Variants in FNDC1 observed in about 807,000 individuals in gnomAD.
FNDC1 encodes fibronectin type III domain-containing protein 1.
FNDC1 carries 96 observed loss-of-function variants against 168.0 expected under a neutral mutation model. The ratio of observed to expected loss-of-function variants is 0.57; its 90% confidence interval spans 0.48 to 0.68. The LOEUF (loss-of-function observed/expected upper bound fraction) is 0.68. Among genes scored for constraint, FNDC1 ranks in the 30% least tolerant of loss-of-function variants. FNDC1 has a pLI of 0.00. For synonymous variants in FNDC1, 1,099 were observed against 1,025.9 expected (o/e 1.07, Z -1.36); for missense variants, 2,587 against 2,482.1 (o/e 1.04, Z -0.90).
chr6:159,219,877 G>A (rs1782784901), intron 5 of FNDC1, among the ~76,000 whole-genome samples: 1 of 152,068 alleles, frequency 6.6e-6, no homozygotes, highest in Non-Finnish European at 1.5e-5. Flanking sequence ...AGGTCGAATG[G>A]CCATTTTTGT....
At chr6:159,175,729 T>C (rs58960120) in intron 1 of FNDC1, among the ~76,000 whole-genome samples, 9,626 of 152,284 alleles carry the variant, frequency 0.063, 983 homozygotes, top group African/African-American at 0.22. Flanking sequence ...GCTCGCCTGT[T>C]GGCATCTTAG....
chr6:159,232,730 C>T lies in FNDC1; in HGVS notation c.2218C>T (p.Leu740Phe), dbSNP rs373757499. The T allele has an allele frequency of 1.9e-4, 314 of 1,613,984 alleles. No homozygotes were observed. In the South Asian group the frequency reaches 2.8e-3, roughly 14 times the overall value. Reference protein sequence around the residue: ...LPTQPHLSSPLSKGGKDGEDA... With the variant: ...LPTQPHLSSPFSKGGKDGEDA... ...CACCCAGCCACACCTGAGCTCTCCA[C>T]TTTCCAAGGGCGGGAAGGATGGTGA... The change falls in exon 11 of 23, where the codon CTT (leucine) becomes TTT (phenylalanine). Residue 740 changes from leucine to phenylalanine, a missense_variant. Transcript: ENST00000297267. The surrounding 1 kb of genome is among the most constrained non-coding windows in gnomAD (Gnocchi z 4.9).
chr6:159,201,024 G>A (rs566360428), intron 4 of FNDC1, among the ~76,000 whole-genome samples: 2 of 152,294 alleles, frequency 1.3e-5, no homozygotes, highest in African/African-American at 2.4e-5. Flanking sequence ...TATGTTAGAC[G>A]ACCTACCTTC....
chr6:159,174,485 G>C (rs1396826609), intron 1 of FNDC1, among the ~76,000 whole-genome samples: 1 of 152,262 alleles, frequency 6.6e-6, no homozygotes, highest in Non-Finnish European at 1.5e-5. Flanking sequence ...GCCACCACCC[G>C]CAGGCCCTTC....
chr6:159,235,317 AT>A (rs11307391), intron 11 of FNDC1, among the ~76,000 whole-genome samples: 125,336 of 149,518 alleles, frequency 0.84, 52,869 homozygotes, highest in Non-Finnish European at 0.89. Context: ...GAATGAATGT[AT>A]TTTTTTTTTT....
chr6:159,254,486 C>T (rs1777332431), intron 17 of FNDC1, among the ~76,000 whole-genome samples: 1 of 152,096 alleles, frequency 6.6e-6, no homozygotes, highest in Non-Finnish European at 1.5e-5. Context: ...GCATCTCAGA[C>T]TTGGTGTATA....
At chr6:159,209,923 GT>G (rs1453582808) in intron 4 of FNDC1, among the ~76,000 whole-genome samples, 1 of 152,214 alleles carries the variant, frequency 6.6e-6, no homozygotes, top group Non-Finnish European at 1.5e-5. Context: ...GAAGCAGTGT[GT>G]TGCTGTCCTT....
In FNDC1 at chr6:159,234,317, G is replaced by A; in HGVS notation, c.3805G>A (p.Val1269Met). The change falls in exon 11 of 23, where the codon GTG becomes ATG. Residue 1269 changes from valine (V) to methionine (M), a missense_variant. Transcript: ENST00000297267. ...SRLPPRSAAT[V>M]SPVAGTHPWP... ...ACTGCCGCCTCGCAGCGCTGCCACC[G>A]TGAGCCCCGTCGCGGGCACCCACCC... 1.2e-6 allele frequency: 2 copies of A among 1,608,918 alleles called. No homozygotes were observed. The highest frequency in any genetic ancestry group is 1.7e-6 in the Non-Finnish European group (2 of 1,177,830).
At chr6:159,225,768 C>A (rs753203153) in intron 8 of FNDC1, 46 bp downstream of exon 8, 2 of 1,488,654 alleles carry the variant, frequency 1.3e-6, no homozygotes, top group African/African-American at 1.4e-5. Flanking sequence ...GGGAATTACA[C>A]CCAAAATAAG....
intron 9 of FNDC1, among the ~76,000 whole-genome samples, chr6:159,228,641 A>T (rs1190755775): frequency 1.3e-5 from 2 of 152,040 alleles, no homozygotes; most frequent in African/African-American, 4.8e-5. Context: ...TTCTGTGATT[A>T]AAGTTATTTT....
intron 1 of FNDC1, among the ~76,000 whole-genome samples, chr6:159,183,400 G>C (rs1387126364): frequency 1.3e-5 from 2 of 152,182 alleles, no homozygotes; most frequent in African/African-American, 4.8e-5. Flanking sequence ...TAAAATTTCA[G>C]ATTTAAACTG....
At chr6:159,206,657 C>T (rs1454530525) in intron 4 of FNDC1, among the ~76,000 whole-genome samples, 1 of 152,144 alleles carries the variant, frequency 6.6e-6, no homozygotes, top group Non-Finnish European at 1.5e-5. Context: ...TCGGGGGGTT[C>T]TGGGCAAGCC....
intron 7 of FNDC1, 120 bp from the exon 8 acceptor site, chr6:159,225,415 C>T (rs1460469054): frequency 2.6e-6 from 2 of 766,470 alleles, no homozygotes; most frequent in Non-Finnish European, 4.0e-6. Flanking sequence ...GATTTTTCTC[C>T]TCTTTGATTT....
At chr6:159,208,496 C>T (rs186046706) in intron 4 of FNDC1, among the ~76,000 whole-genome samples, 10 of 152,336 alleles carry the variant, frequency 6.6e-5, no homozygotes, top group Admixed American at 3.9e-4. Flanking sequence ...CATGGCCATC[C>T]TGTGTAGAGC....
chr6:159,179,074 C>T (rs536973889), intron 1 of FNDC1, among the ~76,000 whole-genome samples: 6 of 152,350 alleles, frequency 3.9e-5, no homozygotes, highest in African/African-American at 1.4e-4. Context: ...CCTCCGGCCT[C>T]CTGGCTGGTT....
intron 9 of FNDC1, among the ~76,000 whole-genome samples, chr6:159,227,513 G>C (rs958497928): frequency 6.6e-6 from 1 of 151,836 alleles, no homozygotes; most frequent in Admixed American, 6.6e-5. Context: ...CAAAAGTTAT[G>C]TTTGCTGACA....
At chr6:159,203,552 C>A (rs1283929380) in intron 4 of FNDC1, among the ~76,000 whole-genome samples, 1 of 152,180 alleles carries the variant, frequency 6.6e-6, no homozygotes, top group African/African-American at 2.4e-5. Context: ...AGTTTTGGCT[C>A]CTCTTGTGTT....
At chr6:159,197,369 TA>T in intron 1 of FNDC1, 61 bp from the exon 2 acceptor site, 1 of 1,456,318 alleles carries the variant, frequency 6.9e-7, no homozygotes, top group Admixed American at 2.1e-5. Context: ...CAAAGACGAT[TA>T]AAAAAATTCG....
Position 159,175,032 on chromosome 6 carries a change from G to C in FNDC1, c.109+5327G>C, listed in dbSNP as rs295325. Reference sequence around the variant, plus strand: ...TGCTACACTTGTAGCAAAATAACTTGAGAGGTGTTCATGTTAATTACAAAG... The same window carrying C: ...TGCTACACTTGTAGCAAAATAACTTCAGAGGTGTTCATGTTAATTACAAAG... On this transcript the variant is annotated intron_variant, in intron 1 of 22. Coordinates refer to ENST00000297267, the MANE Select transcript of FNDC1 (RefSeq NM_032532.3). Among the ~76,000 whole-genome samples the C allele has an allele frequency of 2.2e-3, 338 of 152,262 alleles. 1 individual carries two copies. Among genetic ancestry groups the C allele is most frequent in the Non-Finnish European group, 3.5e-3 (241 of 68,024 alleles).
Sources: gnomAD v4.1 joint callset for allele counts (sites outside exome capture counted in the v4.1 genomes callset) on GRCh38, gnomAD v4.1.1 for gene constraint, Gnocchi (gnomAD v3.1) non-coding constraint, MANE v1.5 for transcripts, NCBI Gene and HGNC (gene_info 2026-07-23, HGNC 2026-07-21) for gene names.